The following PCDH9 variants were observed in gnomAD, a reference collection of about 807,000 sequenced individuals.
PCDH9 encodes protocadherin-9.
A neutral mutation model predicts 70.6 loss-of-function variants in PCDH9; 24 were observed. The ratio of observed to expected loss-of-function variants is 0.34; its 90% CI spans 0.25 to 0.48. The LOEUF is 0.48. PCDH9 is among the 20% of genes least tolerant of loss of function. The probability of loss-of-function intolerance (pLI) is 0.99; values close to 1 mark genes in which losing one functional copy is unlikely to be tolerated. For synonymous variants in PCDH9, 562 were observed against 558.5 expected (o/e 1.01, Z -0.09); for missense variants, 1,281 against 1,503.6 (o/e 0.85, Z 2.45).
chr13:66,838,780 G>A (rs2081067240), intron 3 of PCDH9, among the ~76,000 whole-genome samples: 1 of 151,850 alleles, frequency 6.6e-6, no homozygotes, highest in Non-Finnish European at 1.5e-5. Context: ...TGATGTACTA[G>A]AATTATTTAG....
intron 4 of PCDH9, among the ~76,000 whole-genome samples, chr13:66,445,291 T>C (rs989044786): frequency 2.7e-5 from 4 of 147,650 alleles, no homozygotes; most frequent in African/African-American, 9.8e-5. Flanking sequence ...CTGAGTATCT[T>C]CTTTGTCCTC....
chr13:67,117,301 G>C (rs1449254266), intron 2 of PCDH9, among the ~76,000 whole-genome samples: 1 of 152,130 alleles, frequency 6.6e-6, no homozygotes. Context: ...GTGTTCTCTT[G>C]CATCTTTTCC....
chr13:67,185,881 A>C lies in PCDH9; in HGVS notation c.3036+39524T>G, dbSNP rs562904057. Among the ~76,000 whole-genome samples the C allele has an allele frequency of 9.2e-5, 14 of 152,186 alleles. No individual in the cohort carries two copies. In the South Asian group the frequency reaches 2.5e-3, roughly 27 times the overall value. On this transcript the variant is annotated intron_variant, in intron 2 of 4. Coordinates refer to ENST00000377865, the MANE Select transcript of PCDH9 (RefSeq NM_203487.3). ...CCAAGTAGCTGGGATTACAGGCATG[A>C]GCCACCACACCCGGCTAATTTTGTA...
chr13:66,788,262 A>G (rs2080109993), intron 3 of PCDH9, among the ~76,000 whole-genome samples: 1 of 152,144 alleles, frequency 6.6e-6, no homozygotes, highest in Non-Finnish European at 1.5e-5. Context: ...TAACCCATTT[A>G]TGGCAGCAGA....
chr13:66,638,373 G>A (rs538437432), intron 3 of PCDH9, among the ~76,000 whole-genome samples: 1 of 152,000 alleles, frequency 6.6e-6, no homozygotes, highest in Non-Finnish European at 1.5e-5. Context: ...AGAAATCTAG[G>A]TAAGAAAAAA....
intron 2 of PCDH9, chr13:67,221,411 G>A (rs539539317): frequency 4.6e-5 from 7 of 152,034 alleles, no homozygotes; most frequent in Non-Finnish European, 8.8e-5. Context: ...CCTTTACACT[G>A]TAAAAATACA....
chr13:66,638,851 GT>G (rs1436470442), intron 3 of PCDH9, among the ~76,000 whole-genome samples: 1 of 152,150 alleles, frequency 6.6e-6, no homozygotes, highest in African/African-American at 2.4e-5. Context: ...GCCCTGCCCT[GT>G]TTTAGAAGTT....
chr13:66,931,709 G>A (rs1022196200), intron 2 of PCDH9, among the ~76,000 whole-genome samples: 1 of 152,094 alleles, frequency 6.6e-6, no homozygotes, highest in Non-Finnish European at 1.5e-5. Context: ...TAGGTTGCCT[G>A]TGTCAAGTCC....
intron 3 of PCDH9, among the ~76,000 whole-genome samples, chr13:66,773,154 A>G (rs1270033502): frequency 6.6e-6 from 1 of 152,190 alleles, no homozygotes; most frequent in Non-Finnish European, 1.5e-5. Context: ...CACATCAAAG[A>G]CAAAAGAAAA....
chr13:66,713,644 T>TATATATATATATATAC (rs1251996553), intron 3 of PCDH9, among the ~76,000 whole-genome samples: 2 of 143,898 alleles, frequency 1.4e-5, no homozygotes, highest in African/African-American at 5.1e-5. Flanking sequence ...TATATATATA[T>TATATATATATATATAC]ATATATATAA....
intron 2 of PCDH9, among the ~76,000 whole-genome samples, chr13:67,004,214 A>T (rs997320898): frequency 3.9e-5 from 6 of 152,122 alleles, no homozygotes; most frequent in Admixed American, 3.9e-4. Context: ...AATATGATAC[A>T]TTAATTATCA....
chr13:67,004,564 A>AAAAGAAAG (rs1001686666), intron 2 of PCDH9, among the ~76,000 whole-genome samples: 10 of 148,272 alleles, frequency 6.7e-5, no homozygotes, highest in African/African-American at 2.5e-4. Context: ...AAAAAAAAAA[A>AAAAGAAAG]AAAGAAAGAA....
At chr13:66,523,038 T>C (rs1397718161) in intron 4 of PCDH9, among the ~76,000 whole-genome samples, 1 of 152,090 alleles carries the variant, frequency 6.6e-6, no homozygotes, top group African/African-American at 2.4e-5. Context: ...GCATTTCTTT[T>C]ACTTGCAGGG....
chr13:67,184,176 A>G (rs1176544256), intron 2 of PCDH9, among the ~76,000 whole-genome samples: 1 of 152,168 alleles, frequency 6.6e-6, no homozygotes, highest in Non-Finnish European at 1.5e-5. Context: ...AATGTAGGTT[A>G]TAACTTCCTT....
intron 4 of PCDH9, among the ~76,000 whole-genome samples, chr13:66,546,107 G>A (rs1961186621): frequency 6.6e-6 from 1 of 151,288 alleles, no homozygotes; most frequent in Non-Finnish European, 1.5e-5. Context: ...CAAAGTGCTG[G>A]GATTACAGGC....
At chr13:67,097,932 C>T (rs1372268499) in intron 2 of PCDH9, among the ~76,000 whole-genome samples, 1 of 152,134 alleles carries the variant, frequency 6.6e-6, no homozygotes, top group African/African-American at 2.4e-5. Flanking sequence ...GAGCTATCCA[C>T]ACTCATAAAT....
intron 2 of PCDH9, among the ~76,000 whole-genome samples, chr13:66,966,858 G>T (rs986264823): frequency 2.6e-5 from 4 of 151,858 alleles, no homozygotes; most frequent in Non-Finnish European, 2.9e-5. Context: ...GAAGAAAACT[G>T]GAAAATTATT....
chr13:67,051,550 G>A (rs765704248), intron 2 of PCDH9, among the ~76,000 whole-genome samples: 7 of 151,490 alleles, frequency 4.6e-5, no homozygotes, highest in African/African-American at 1.5e-4. Flanking sequence ...GTGCCACCAC[G>A]CCCAGCTAAT....
At chr13:66,973,344 A>G (rs9571704) in intron 2 of PCDH9, among the ~76,000 whole-genome samples, 41,359 of 151,756 alleles carry the variant, frequency 0.27, 6,220 homozygotes, top group East Asian at 0.61. Context: ...CTAGTAACAT[A>G]AGTTGATACA....
Sources: allele counts gnomAD v4.1 joint callset (sites outside exome capture counted in the v4.1 genomes callset), GRCh38; gene constraint gnomAD v4.1.1; transcripts MANE v1.5; gene names NCBI Gene and HGNC (gene_info 2026-07-23, HGNC 2026-07-21).